The following DAP3 variants were observed in gnomAD, a reference collection of about 807,000 sequenced individuals.
The protein encoded by DAP3 is death associated protein 3.
A neutral mutation model predicts 51.9 loss-of-function variants in DAP3; 28 were observed. That is an observed-to-expected ratio of 0.54 (90% confidence interval 0.40 to 0.74). DAP3 has a LOEUF of 0.74. Ranked by LOEUF, DAP3 falls within the 30% of genes least tolerant of loss-of-function variation. The pLI is 0.00. For synonymous variants in DAP3, 170 were observed against 170.3 expected (o/e 1.00, Z 0.01); for missense variants, 458 against 483.5 (o/e 0.95, Z 0.49).
intron 2 of DAP3, among the ~76,000 whole-genome samples, chr1:155,711,786 GGGAA>G (rs1454067479): frequency 3.3e-5 from 5 of 151,374 alleles, no homozygotes; most frequent in Admixed American, 6.6e-5. Flanking sequence ...TTCAAAAGTA[GGGAA>G]GCTGACAGTG....
intron 1 of DAP3, among the ~76,000 whole-genome samples, chr1:155,707,255 T>C (rs896931634): frequency 6.7e-6 from 1 of 149,672 alleles, no homozygotes; most frequent in Non-Finnish European, 1.5e-5. Flanking sequence ...TTACTAAAAA[T>C]ACAAAAAATT....
At chr1:155,730,187 A>G (rs1394872416) in intron 9 of DAP3, among the ~76,000 whole-genome samples, 2 of 147,936 alleles carry the variant, frequency 1.4e-5, no homozygotes, top group African/African-American at 2.5e-5. Flanking sequence ...ATATGTATAT[A>G]TAATATTCAT....
intron 1 of DAP3, among the ~76,000 whole-genome samples, chr1:155,706,520 C>T (rs1206898170): frequency 6.6e-6 from 1 of 151,896 alleles, no homozygotes; most frequent in Admixed American, 6.6e-5. Flanking sequence ...GCCTGTAATC[C>T]CTTTGGGAGG....
chr1:155,721,706 A>G, intron 4 of DAP3, 88 bp downstream of exon 4: 1 of 1,260,936 alleles, frequency 7.9e-7, no homozygotes, highest in South Asian at 1.3e-5. Flanking sequence ...AAGAAAATTT[A>G]AAAAGATGAA....
chr1:155,688,638 A>G, upstream of DAP3: 2 of 1,534,388 alleles, frequency 1.3e-6, no homozygotes, highest in Non-Finnish European at 1.7e-6. Context: ...AGCCGGCTCC[A>G]GCGCAGGCCC....
At chr1:155,716,968 T>C in intron 2 of DAP3, 38 bp from the exon 3 acceptor site, 1 of 1,574,166 alleles carries the variant, frequency 6.4e-7, no homozygotes, top group Non-Finnish European at 8.6e-7. Context: ...AAAAAAAAGT[T>C]TGATAACCCC....
At chr1:155,708,821 C>T (rs954879812) in intron 1 of DAP3, among the ~76,000 whole-genome samples, 1 of 151,434 alleles carries the variant, frequency 6.6e-6, no homozygotes, top group Admixed American at 6.6e-5. Context: ...TCTCCTGCCT[C>T]AGCCTCCCAA....
At chr1:155,696,934 G>A (rs904460277) in intron 1 of DAP3, among the ~76,000 whole-genome samples, 4 of 152,182 alleles carry the variant, frequency 2.6e-5, no homozygotes, top group African/African-American at 9.6e-5. Flanking sequence ...GGTGGGGGAT[G>A]GGAGCCCTGG....
upstream of DAP3, chr1:155,689,072 G>A: frequency 1.3e-6 from 2 of 1,498,110 alleles, no homozygotes; most frequent in Non-Finnish European, 1.8e-6. Context: ...TTTCCTGCCG[G>A]ATGACCCGAC....
chr1:155,736,757 C>T (rs998058622), intron 11 of DAP3, 189 bp from the exon 12 acceptor site: 4 of 596,056 alleles, frequency 6.7e-6, no homozygotes, highest in East Asian at 3.0e-5. Context: ...ACGTAGAGCA[C>T]GAGTAGCCAG....
upstream of DAP3, chr1:155,688,504 G>T (rs1239733660): frequency 6.5e-7 from 1 of 1,547,934 alleles, no homozygotes; most frequent in South Asian, 1.2e-5. Flanking sequence ...GAGTGTCTAC[G>T]GGCTCGTCGC....
upstream of DAP3, chr1:155,688,365 GAGGGAGGGAGCTA>G (rs1652968809): frequency 6.5e-7 from 1 of 1,546,976 alleles, no homozygotes; most frequent in African/African-American, 1.4e-5. Context: ...AGCTCCTCCA[GAGGGAGGGAGCTA>G]AGGGCGCCTA....
chr1:155,724,862 G>A (rs1658398917), intron 4 of DAP3, among the ~76,000 whole-genome samples: 1 of 151,686 alleles, frequency 6.6e-6, no homozygotes, highest in Admixed American at 6.6e-5. Context: ...GGCTGAGGCA[G>A]GAGAATCACT....
chr1:155,717,874 A>G (rs1050059992), intron 3 of DAP3, among the ~76,000 whole-genome samples: 1 of 152,128 alleles, frequency 6.6e-6, no homozygotes, highest in African/African-American at 2.4e-5. Flanking sequence ...TGCATTTTCT[A>G]GTCCAGTTCC....
At chr1:155,709,667 T>C (rs1355155658) in intron 1 of DAP3, 106 bp from the exon 2 acceptor site, 3 of 871,048 alleles carry the variant, frequency 3.4e-6, no homozygotes, top group Admixed American at 2.6e-5. Flanking sequence ...ATTCTAGATA[T>C]TAATATAGAT....
chr1:155,728,963 C>G (rs1658908740), intron 7 of DAP3, 79 bp from the exon 8 acceptor site: 1 of 1,438,662 alleles, frequency 7.0e-7, no homozygotes, highest in African/African-American at 1.4e-5. Context: ...ACCTTAGCCT[C>G]CAACCTTTTC....
At chr1:155,688,497 T>C, upstream of DAP3, 1 of 1,548,024 alleles carries the variant, frequency 6.5e-7, no homozygotes, top group Non-Finnish European at 8.7e-7. Context: ...CGCGTACGAG[T>C]GTCTACGGGC....
intron 7 of DAP3, among the ~76,000 whole-genome samples, chr1:155,727,972 G>C (rs1345129921): frequency 3.3e-5 from 5 of 151,924 alleles, no homozygotes; most frequent in Admixed American, 6.6e-5. Context: ...GTGAAATCCA[G>C]TTGATTCATT....
upstream of DAP3, chr1:155,688,554 AGCCAG>A (rs1198882137): frequency 1.9e-4 from 291 of 1,539,288 alleles, 1 homozygote; most frequent in Admixed American, 4.1e-4. Flanking sequence ...CCGTCCTGCG[AGCCAG>A]CCATCCCGTA....
Sources: gnomAD v4.1 joint callset for allele counts (sites outside exome capture counted in the v4.1 genomes callset) on GRCh38, gnomAD v4.1.1 for gene constraint, MANE v1.5 for transcripts, NCBI Gene and HGNC (gene_info 2026-07-23, HGNC 2026-07-21) for gene names.